Variants in PKHD1L1 observed in about 807,000 individuals in gnomAD.
The protein encoded by PKHD1L1 is PKHD1 like 1, also known as fibrocystin-L.
In PKHD1L1, 434 loss-of-function variants were observed where a neutral mutation model predicts 462.9. The observed-to-expected ratio is 0.94, with a 90% CI of 0.87 to 1.02. The LOEUF (loss-of-function observed/expected upper bound fraction) is 1.02, where lower values mean the gene tolerates loss of function less well. PKHD1L1 is among the 50% of genes least tolerant of loss of function. The pLI, the probability that PKHD1L1 is intolerant of heterozygous loss-of-function variation, is 0.00. For synonymous variants in PKHD1L1, 1,781 were observed against 1,750.0 expected (o/e 1.02, Z -0.44); for missense variants, 5,202 against 5,096.1 (o/e 1.02, Z -0.63).
chr8:109,486,999 T>C (rs754884004), intron 59 of PKHD1L1, among the ~76,000 whole-genome samples, 178 bp downstream of exon 59: 7 of 152,040 alleles, frequency 4.6e-5, no homozygotes, highest in Non-Finnish European at 8.8e-5. Flanking sequence ...ATTACTGCTT[T>C]TAATTTTATC....
chr8:109,523,133 T>C lies in PKHD1L1; in HGVS notation c.12331-100T>C, dbSNP rs953141143. On this transcript the variant is annotated intron_variant, in intron 75 of 77. Coordinates refer to ENST00000378402, the MANE Select transcript of PKHD1L1 (RefSeq NM_177531.6). ...ATAAGGAGCTTCTGCAGATTTTCAA[T>C]TTATAATGAGGCATTTTTAAAAATA... 22 of 1,210,858 alleles carry C rather than the reference T, an allele frequency of 1.8e-5. No homozygotes were observed. In the African/African-American group the frequency reaches 3.2e-4, roughly 18 times the overall value. The allele number at this position is 1,210,858 out of a possible 1,614,324, so 75.0% of individuals were successfully genotyped here.
chr8:109,489,196 T>C (rs1032744403), intron 59 of PKHD1L1, among the ~76,000 whole-genome samples: 2 of 151,898 alleles, frequency 1.3e-5, no homozygotes, highest in Non-Finnish European at 2.9e-5. Context: ...CTCCAACACA[T>C]CCTATTAAGT....
chr8:109,447,290 C>G (rs540442836), intron 38 of PKHD1L1, among the ~76,000 whole-genome samples: 52 of 152,198 alleles, frequency 3.4e-4, no homozygotes, highest in African/African-American at 1.1e-3. Context: ...GTATCTGTCA[C>G]GTTTAAAATA....
chr8:109,383,078 T>G (rs1812210173), intron 4 of PKHD1L1, among the ~76,000 whole-genome samples: 1 of 116,982 alleles, frequency 8.5e-6, no homozygotes, highest in Non-Finnish European at 1.8e-5. Context: ...ATTTTATATA[T>G]AAATAGTTAT....
chr8:109,512,690 G>A (rs1329737292), intron 71 of PKHD1L1, among the ~76,000 whole-genome samples: 1 of 151,930 alleles, frequency 6.6e-6, no homozygotes, highest in Non-Finnish European at 1.5e-5. Flanking sequence ...CTCTTTTTTT[G>A]TTCCATATGA....
rs896233599 is a variant in PKHD1L1 at position 109,508,094 on chromosome 8, T to C, written c.11228-3T>C. ...GCTAAAATATATATACATATGTTTC[T>C]AGGAATTATTAGAGATTCAACCTGT... On this transcript the variant is annotated splice_region_variant and splice_polypyrimidine_tract_variant and intron_variant, in intron 69 of 77. Coordinates refer to ENST00000378402, the MANE Select transcript of PKHD1L1 (RefSeq NM_177531.6). 18 of 1,595,984 alleles carry C rather than the reference T, an allele frequency of 1.1e-5. No individual in the cohort carries two copies. The African/African-American group carries it at 1.8e-4, about 16-fold the overall frequency.
intron 14 of PKHD1L1, among the ~76,000 whole-genome samples, chr8:109,403,723 A>G (rs535082205): frequency 6.6e-6 from 1 of 152,144 alleles, no homozygotes; most frequent in Non-Finnish European, 1.5e-5. Flanking sequence ...TACACATATG[A>G]AACATGATAA....
intron 24 of PKHD1L1, among the ~76,000 whole-genome samples, chr8:109,426,402 A>G (rs535145567): frequency 5.3e-5 from 8 of 151,966 alleles, no homozygotes; most frequent in Non-Finnish European, 1.2e-4. Flanking sequence ...TTGATATTAA[A>G]AATATTTGGT....
rs1821144153 is a variant in PKHD1L1, at chr8:109,536,192, CA to C, written c.*6105del. Among the ~76,000 whole-genome samples the C allele has an allele frequency of 6.6e-6, 1 of 152,164 alleles. No homozygotes were observed. The highest frequency in any genetic ancestry group is 2.1e-4 in the South Asian group (1 of 4,826). ...TTGAAGATAACAAATCTGCCTGCTT[CA>C]AAGGTTTCACCGATTTTATTGCTGT... On this transcript the variant is annotated 3_prime_UTR_variant, in exon 78 of 78. Coordinates refer to ENST00000378402, the MANE Select transcript of PKHD1L1 (RefSeq NM_177531.6).
At chr8:109,404,796 A>T in intron 15 of PKHD1L1, 83 bp downstream of exon 15, 1 of 1,359,314 alleles carries the variant, frequency 7.4e-7, no homozygotes, top group Non-Finnish European at 9.9e-7. Context: ...TTACTAGGTA[A>T]GATACTGTTT....
intron 23 of PKHD1L1, among the ~76,000 whole-genome samples, chr8:109,423,709 T>G (rs745988303): frequency 1.3e-5 from 2 of 152,184 alleles, no homozygotes; most frequent in Admixed American, 6.5e-5. Flanking sequence ...TAGACTGTTT[T>G]GGAGAGAATT....
chr8:109,384,469 G>T (rs1812330508), intron 5 of PKHD1L1, among the ~76,000 whole-genome samples: 2 of 152,058 alleles, frequency 1.3e-5, no homozygotes, highest in Admixed American at 6.6e-5. Flanking sequence ...CTTGAGCCCA[G>T]GAGTGTGAGG....
chr8:109,400,043 G>C, intron 12 of PKHD1L1, 33 bp from the exon 13 acceptor site: 1 of 1,574,324 alleles, frequency 6.4e-7, no homozygotes, highest in East Asian at 2.2e-5. Context: ...TTATGATCCT[G>C]ATGAAAGTCT....
intron 70 of PKHD1L1, 22 bp from the exon 71 acceptor site, chr8:109,510,755 C>T (rs972927865): frequency 6.9e-6 from 11 of 1,605,466 alleles, no homozygotes; most frequent in African/African-American, 1.3e-5. Flanking sequence ...GGAGTATGCA[C>T]TTTCATTTTG....
chr8:109,388,628 C>G, intron 7 of PKHD1L1, 78 bp downstream of exon 7: 1 of 934,230 alleles, frequency 1.1e-6, no homozygotes, highest in Non-Finnish European at 1.7e-6. Flanking sequence ...TAATTGCTAC[C>G]AATACTGCAT....
chr8:109,459,885 A>G (rs1817025422), intron 47 of PKHD1L1, 49 bp downstream of exon 47: 3 of 1,511,852 alleles, frequency 2.0e-6, no homozygotes, highest in East Asian at 4.6e-5. Flanking sequence ...ATATAGTTTT[A>G]CAATTTAATT....
chr8:109,480,251 T>G, intron 55 of PKHD1L1, 112 bp downstream of exon 55: 1 of 1,148,778 alleles, frequency 8.7e-7, no homozygotes, highest in Non-Finnish European at 1.2e-6. Flanking sequence ...AAAACACAAC[T>G]GGCTCTATCC....
rs1256524221 is a variant in PKHD1L1, at chr8:109,535,579, CCAAA to C, written c.*5497_*5500del. ...GGCATGGGTGGTTAGAGGGAGATCC[CCAAA>C]CAAACAATTCAAAATTAAGAGTTTA... is the stretch of plus-strand genomic sequence containing the variant. On this transcript the variant is annotated 3_prime_UTR_variant, in exon 78 of 78. Transcript: ENST00000378402. 1.3e-5 allele frequency among the ~76,000 whole-genome samples: 2 copies of C among 152,072 alleles called. No individual in the cohort carries two copies. The highest frequency in any genetic ancestry group is 1.9e-4 in the East Asian group (1 of 5,188).
At chr8:109,367,650 AG>A (rs1195899453) in intron 2 of PKHD1L1, among the ~76,000 whole-genome samples, 1 of 152,268 alleles carries the variant, frequency 6.6e-6, no homozygotes, top group African/African-American at 2.4e-5. Flanking sequence ...TGGGAAGCTA[AG>A]GCAGAAGGAT....
Sources: gnomAD v4.1 joint callset for allele counts (sites outside exome capture counted in the v4.1 genomes callset) on GRCh38, gnomAD v4.1.1 for gene constraint, MANE v1.5 for transcripts, NCBI Gene and HGNC (gene_info 2026-07-23, HGNC 2026-07-21) for gene names.